Variants in ATP6V0A4 observed in about 807,000 individuals in gnomAD.
ATP6V0A4 encodes ATPase H+ transporting V0 subunit a4, also known as V-type proton ATPase 116 kDa subunit a 4.
ATP6V0A4 carries 86 observed loss-of-function variants against 107.3 expected under a neutral mutation model. The ratio of observed to expected loss-of-function variants is 0.80; its 90% CI spans 0.67 to 0.96. The LOEUF is 0.96. Ranked by LOEUF, ATP6V0A4 falls within the 40% of genes least tolerant of loss-of-function variation. The pLI is 0.00. For missense variants in ATP6V0A4, 908 were observed against 1,045.6 expected (o/e 0.87, Z 1.81); for synonymous variants, 353 against 381.4 (o/e 0.93, Z 0.87).
intron 18 of ATP6V0A4, among the ~76,000 whole-genome samples, chr7:138,726,413 C>T (rs1464333936): frequency 6.6e-6 from 1 of 152,202 alleles, no homozygotes; most frequent in East Asian, 1.9e-4. Context: ...GGTGGCTGGC[C>T]ACAAGGGCTC....
chr7:138,755,322 G>A (rs1806452320), intron 10 of ATP6V0A4, among the ~76,000 whole-genome samples: 1 of 152,152 alleles, frequency 6.6e-6, no homozygotes, highest in Admixed American at 6.5e-5. Flanking sequence ...CAATTCAGTG[G>A]GAAAATAATC....
rs1457260266 is a variant in ATP6V0A4, at chr7:138,759,858, T to C, written c.533A>G (p.Asn178Ser). The C allele has an allele frequency of 1.2e-6, 2 of 1,613,974 alleles. No individual in the cohort carries two copies. Among genetic ancestry groups the C allele is most frequent in the East Asian group, 4.5e-5 (2 of 44,880 alleles). ...CTCAAAGGAAGCCATCCTCTCCCTG[T>C]TGATCACACCGGCTATGAACCTAGG... ...GKLGFIAGVI[N>S]RERMASFERL... The change falls in exon 8 of 22, where the codon AAC becomes AGC. Residue 178 changes from asparagine to serine, a missense_variant. Physicochemically the swap from Asn to Ser is conservative, Grantham distance 46. Coordinates refer to ENST00000310018, the MANE Select transcript of ATP6V0A4 (RefSeq NM_020632.3).
At chr7:138,796,205 C>T (rs1808652187) in intron 1 of ATP6V0A4, among the ~76,000 whole-genome samples, 1 of 152,054 alleles carries the variant, frequency 6.6e-6, no homozygotes. Flanking sequence ...TGGTCTTTCT[C>T]ACCCCCAGGT....
At chr7:138,784,206 C>A (rs1808040225) in intron 2 of ATP6V0A4, among the ~76,000 whole-genome samples, 1 of 133,946 alleles carries the variant, frequency 7.5e-6, no homozygotes, top group African/African-American at 3.1e-5. Flanking sequence ...CCTATGAATC[C>A]TTAAACATTA....
chr7:138,716,577 G>GT (rs1804048666), intron 19 of ATP6V0A4, among the ~76,000 whole-genome samples: 2 of 115,658 alleles, frequency 1.7e-5, no homozygotes, highest in South Asian at 6.2e-4. Flanking sequence ...TTTTTTTTTG[G>GT]GGGGGGGGGA....
At chr7:138,771,830 A>G (rs1807406706) in intron 2 of ATP6V0A4, among the ~76,000 whole-genome samples, 1 of 152,142 alleles carries the variant, frequency 6.6e-6, no homozygotes, top group African/African-American at 2.4e-5. Context: ...TGTGTTGCCC[A>G]GGCTGGTATT....
At chr7:138,758,477 CTA>C (rs1219712012) in intron 8 of ATP6V0A4, among the ~76,000 whole-genome samples, 1 of 151,990 alleles carries the variant, frequency 6.6e-6, no homozygotes, top group Non-Finnish European at 1.5e-5. Flanking sequence ...TTTTTAGCCT[CTA>C]ATCTGAAAAA....
chr7:138,722,019 C>T lies in ATP6V0A4; in HGVS notation c.2017G>A (p.Ala673Thr), dbSNP rs1261538511. Residue 673 changes from alanine (A) to threonine (T), a missense_variant, in exon 19 of 22, where the codon GCA becomes ACA. Ala to Thr is a moderately conservative substitution (Grantham distance 58). Coordinates refer to ENST00000310018, the MANE Select transcript of ATP6V0A4 (RefSeq NM_020632.3). Reference sequence around the variant, plus strand: ...GTGGCATCTTCTTGGATCCTGGATGCCTGCAGCTGACAACAAGCAGGGAAA... The same window carrying T: ...GTGGCATCTTCTTGGATCCTGGATGTCTGCAGCTGACAACAAGCAGGGAAA... ...RASHRKSQLQ[A>T]SRIQEDATEN... 2 of 1,614,154 alleles carry T rather than the reference C, an allele frequency of 1.2e-6. No homozygotes were observed. The highest frequency in any genetic ancestry group is 3.3e-5 in the Admixed American group (2 of 60,010).
At chr7:138,750,978 C>T (rs1032143226) in intron 11 of ATP6V0A4, among the ~76,000 whole-genome samples, 8 of 152,100 alleles carry the variant, frequency 5.3e-5, no homozygotes, top group Non-Finnish European at 5.9e-5. Context: ...AGGCCTTTAC[C>T]TTCAGATTCC....
chr7:138,793,949 C>G (rs547497386), intron 1 of ATP6V0A4, among the ~76,000 whole-genome samples: 3 of 152,286 alleles, frequency 2.0e-5, no homozygotes, highest in East Asian at 3.9e-4. Flanking sequence ...TCCAGGACTT[C>G]CTTGCTGACT....
At chr7:138,733,310 CAA>C (rs1331852490) in intron 16 of ATP6V0A4, among the ~76,000 whole-genome samples, 1 of 146,106 alleles carries the variant, frequency 6.8e-6, no homozygotes, top group Non-Finnish European at 1.5e-5. Context: ...TGCTTTTGCA[CAA>C]AAGAGTCAGA....
rs1554386050 is a variant in ATP6V0A4 at position 138,707,350 on chromosome 7, A to AATATATATTATATTATATATATATTAAT, written c.2430-634_2430-633insATTAATATATATATAATATAATATATAT. On this transcript the variant is annotated intron_variant, in intron 21 of 21. Transcript: ENST00000310018. ...TTTATATTTATAATATATATATTAT[A>AATATATATTATATTATATATATATTAAT]ATATATATTATATTATATATATATT... 5.8e-4 allele frequency among the ~76,000 whole-genome samples: 52 copies of AATATATATTATATTATATATATATTAAT among 90,364 alleles called. 1 individual carries two copies. The highest frequency in any genetic ancestry group is 2.2e-3 in the African/African-American group (47 of 21,304). 59.3% of individuals were successfully genotyped at this position (90,364 alleles called of 152,430 possible).
At chr7:138,776,956 T>C (rs1439131139) in intron 2 of ATP6V0A4, among the ~76,000 whole-genome samples, 1 of 151,898 alleles carries the variant, frequency 6.6e-6, no homozygotes, top group Non-Finnish European at 1.5e-5. Context: ...GAGACCAGCC[T>C]GGCCAACATG....
At chr7:138,774,607 C>CTA (rs1475548658) in intron 2 of ATP6V0A4, among the ~76,000 whole-genome samples, 4 of 55,198 alleles carry the variant, frequency 7.2e-5, no homozygotes, top group Non-Finnish European at 1.4e-4. Flanking sequence ...ATATATATAT[C>CTA]TATATATATA....
In ATP6V0A4 at chr7:138,752,957, C is replaced by T; in HGVS notation, c.817-120G>A. 2.0e-6 allele frequency: 3 copies of T among 1,531,354 alleles called. No individual in the cohort carries two copies. In the South Asian group the frequency reaches 3.6e-5, roughly 18 times the overall value. The allele number at this position is 1,531,354 out of a possible 1,614,324, so 94.9% of individuals were successfully genotyped here. A position where few individuals can be genotyped will look rare whatever the true frequency, so the allele number is the denominator to read the frequency against. On this transcript the variant is annotated intron_variant, in intron 10 of 21. Coordinates refer to ENST00000310018, the MANE Select transcript of ATP6V0A4 (RefSeq NM_020632.3). ...CTCTGCTCTGGCAGGCTCCTTTGAC[C>T]TGTGGCTGTCACCTGGCCTTGAACT...
At chr7:138,765,074 C>T (rs986759999) in intron 5 of ATP6V0A4, among the ~76,000 whole-genome samples, 8 of 152,188 alleles carry the variant, frequency 5.3e-5, no homozygotes, top group African/African-American at 1.9e-4. Flanking sequence ...GGATTACAGC[C>T]GTGAGCCACT....
At chr7:138,778,175 A>C (rs1807755107) in intron 2 of ATP6V0A4, among the ~76,000 whole-genome samples, 1 of 152,164 alleles carries the variant, frequency 6.6e-6, no homozygotes, top group African/African-American at 2.4e-5. Context: ...GGAATTCGAG[A>C]CAAGCCTGGC....
At chr7:138,725,931 TTA>T (rs1409547214) in intron 18 of ATP6V0A4, among the ~76,000 whole-genome samples, 1 of 152,196 alleles carries the variant, frequency 6.6e-6, no homozygotes, top group African/African-American at 2.4e-5. Flanking sequence ...TGTCTGTATG[TTA>T]TATGTTTCAA....
At chr7:138,731,591 C>A (rs1027391772) in intron 17 of ATP6V0A4, among the ~76,000 whole-genome samples, 7 of 152,062 alleles carry the variant, frequency 4.6e-5, no homozygotes, top group East Asian at 1.9e-4. Context: ...GATTTGTATA[C>A]CTTTTAAAAA....
Sources: allele counts gnomAD v4.1 joint callset (sites outside exome capture counted in the v4.1 genomes callset), GRCh38; gene constraint gnomAD v4.1.1; transcripts MANE v1.5; gene names NCBI Gene and HGNC (gene_info 2026-07-23, HGNC 2026-07-21).